Variants in MID1 observed in about 807,000 individuals in gnomAD.
MID1 encodes E3 ubiquitin-protein ligase Midline-1.
In MID1, 7 loss-of-function variants were observed where a neutral mutation model predicts 40.4. The observed-to-expected ratio is 0.17, with a 90% CI of 0.10 to 0.33. MID1 has a LOEUF of 0.33. Ranked by LOEUF, MID1 falls within the 10% of genes least tolerant of loss-of-function variation. The pLI is 1.00. For synonymous variants in MID1, 229 were observed against 221.2 expected, an observed-to-expected ratio of 1.04 and a Z score of -0.31; for missense variants, 367 against 558.5, an observed-to-expected ratio of 0.66 and a Z score of 3.46.
intron 2 of MID1, among the ~76,000 whole-genome samples, chrX:10,553,077 G>A (rs1027492525): frequency 5.5e-5 from 6 of 109,562 alleles, no homozygotes; most frequent in Non-Finnish European, 9.5e-5. Flanking sequence ...GCGAAACCCC[G>A]TCTCTACTAA....
intron 1 of MID1, among the ~76,000 whole-genome samples, chrX:10,701,658 A>C (rs982520869): frequency 1.4e-4 from 16 of 112,339 alleles, no homozygotes; most frequent in African/African-American, 4.5e-4. Context: ...GTGATATACT[A>C]ATTTTAATAT....
At chrX:10,522,997 T>G (rs1036832590) in intron 3 of MID1, 95 bp downstream of exon 3, 7 of 666,698 alleles carry the variant, frequency 1.0e-5, no homozygotes, top group African/African-American at 8.9e-5. Flanking sequence ...TTAAGAAAGA[T>G]TCTTGTTTTA....
intron 7 of MID1, among the ~76,000 whole-genome samples, chrX:10,465,326 A>G (rs905258213): frequency 1.0e-4 from 11 of 105,617 alleles, no homozygotes; most frequent in Non-Finnish European, 2.1e-4. Flanking sequence ...CATCTGAGGA[A>G]GACATGCCCT....
At chrX:10,796,509 A>T (rs955045814) in intron 1 of MID1, among the ~76,000 whole-genome samples, 8 of 108,355 alleles carry the variant, frequency 7.4e-5, no homozygotes, top group Admixed American at 9.9e-5. Flanking sequence ...GCCAAAGAGA[A>T]AAACAGTCAC....
intron 1 of MID1, among the ~76,000 whole-genome samples, chrX:10,799,390 G>C (rs141789573): frequency 0.012 from 1,311 of 112,230 alleles, 10 homozygotes; most frequent in Non-Finnish European, 0.017. Context: ...AGAATGTAAT[G>C]AGGGACAACA....
intron 1 of MID1, among the ~76,000 whole-genome samples, chrX:10,763,922 A>G (rs1284615870): frequency 1.4e-3 from 156 of 112,194 alleles, no homozygotes; most frequent in Non-Finnish European, 6.9e-4. Flanking sequence ...GCCAGTGATG[A>G]TGAGCATTTT....
At chrX:10,716,328 C>T (rs896878596) in intron 1 of MID1, among the ~76,000 whole-genome samples, 5 of 111,476 alleles carry the variant, frequency 4.5e-5, no homozygotes, top group Admixed American at 9.5e-5. Flanking sequence ...ACTAGAATAA[C>T]CAATGCAGAG....
At chrX:10,626,438 C>T (rs1000007843) in intron 1 of MID1, among the ~76,000 whole-genome samples, 1 of 110,373 alleles carries the variant, frequency 9.1e-6, no homozygotes, top group African/African-American at 3.3e-5. Flanking sequence ...CTCCTGGGCA[C>T]GAGCCATCCT....
chrX:10,711,213 C>T (rs779594353), intron 1 of MID1, among the ~76,000 whole-genome samples: 1 of 111,992 alleles, frequency 8.9e-6, no homozygotes, highest in South Asian at 3.8e-4. Flanking sequence ...TGAACAACAG[C>T]CTTCTTGTCA....
chrX:10,558,917 T>C (rs1934228625), intron 2 of MID1, among the ~76,000 whole-genome samples: 1 of 112,231 alleles, frequency 8.9e-6, no homozygotes, highest in African/African-American at 3.2e-5. Context: ...CCAAGAATGA[T>C]TCCAACAATA....
At chrX:10,643,476 C>T (rs1279166455) in intron 1 of MID1, among the ~76,000 whole-genome samples, 2 of 111,793 alleles carry the variant, frequency 1.8e-5, no homozygotes. Context: ...TACCATCTCA[C>T]ACCAGTTACA....
chrX:10,533,062 G>A (rs923680569), intron 2 of MID1, among the ~76,000 whole-genome samples: 8 of 110,044 alleles, frequency 7.3e-5, no homozygotes, highest in East Asian at 5.7e-4. Flanking sequence ...GTGAGCCACC[G>A]TGCCCGCCCT....
intron 1 of MID1, among the ~76,000 whole-genome samples, chrX:10,573,354 T>C (rs941039386): frequency 2.7e-5 from 3 of 112,116 alleles, no homozygotes; most frequent in African/African-American, 9.7e-5. Flanking sequence ...ACAAGAAGCA[T>C]GGTACTGGCA....
chrX:10,685,415 C>G (rs12013671), intron 1 of MID1, among the ~76,000 whole-genome samples: 5,314 of 111,742 alleles, frequency 0.048, 185 homozygotes, highest in African/African-American at 0.12. Flanking sequence ...TTCCCCAAAG[C>G]CAGCCATAAA....
At chrX:10,639,655 T>C (rs1326611141) in intron 1 of MID1, among the ~76,000 whole-genome samples, 1 of 110,879 alleles carries the variant, frequency 9.0e-6, no homozygotes, top group Non-Finnish European at 1.9e-5. Flanking sequence ...ATTCAGGAAA[T>C]ACAGAGAATG....
chrX:10,638,867 C>A (rs1936153575), intron 1 of MID1, among the ~76,000 whole-genome samples: 1 of 112,142 alleles, frequency 8.9e-6, no homozygotes, highest in Non-Finnish European at 1.9e-5. Flanking sequence ...TGTTCTGCAG[C>A]CTCTGCTGGT....
chrX:10,613,110 A>G (rs1166813649), intron 1 of MID1, among the ~76,000 whole-genome samples: 1 of 111,431 alleles, frequency 9.0e-6, no homozygotes, highest in Non-Finnish European at 1.9e-5. Flanking sequence ...CATTCAATGA[A>G]TTCCATTTTC....
intron 3 of MID1, among the ~76,000 whole-genome samples, chrX:10,498,679 G>A (rs902085405): frequency 8.9e-6 from 1 of 112,029 alleles, no homozygotes; most frequent in African/African-American, 3.2e-5. Context: ...GGATTTGCCT[G>A]TTCTGGACGT....
chrX:10,754,323 GT>G (rs59162348), intron 1 of MID1, among the ~76,000 whole-genome samples: 1 of 106,185 alleles, frequency 9.4e-6, no homozygotes, highest in Non-Finnish European at 1.9e-5. Context: ...TTTGTTTTTT[GT>G]TTTTTTTGTC....
Sources: gnomAD v4.1 joint callset for allele counts (sites outside exome capture counted in the v4.1 genomes callset) on GRCh38, gnomAD v4.1.1 for gene constraint, MANE v1.5 for transcripts, NCBI Gene and HGNC (gene_info 2026-07-23, HGNC 2026-07-21) for gene names.